PDZD2: variants seen among roughly 807,000 people sequenced by gnomAD.
PDZD2 encodes PDZ domain-containing protein 2.
A neutral mutation model predicts 220.7 loss-of-function variants in PDZD2; 90 were observed. That is an observed-to-expected ratio of 0.41 (90% CI 0.34 to 0.49). The LOEUF (loss-of-function observed/expected upper bound fraction) is 0.49, where lower values mean the gene tolerates loss of function less well. PDZD2 is among the 20% of genes least tolerant of loss of function. The pLI is 0.28. For missense variants in PDZD2, 3,174 were observed against 3,608.5 expected (o/e 0.88, Z 3.08); for synonymous variants, 1,375 against 1,450.5 (o/e 0.95, Z 1.18).
intron 1 of PDZD2, among the ~76,000 whole-genome samples, chr5:31,781,515 T>C (rs1753062999): frequency 6.6e-6 from 1 of 152,210 alleles, no homozygotes; most frequent in African/African-American, 2.4e-5. Context: ...CCATAGGCCA[T>C]TGTGAGCATC....
intron 7 of PDZD2, among the ~76,000 whole-genome samples, chr5:32,037,748 G>A (rs1337934580): frequency 6.6e-6 from 1 of 152,118 alleles, no homozygotes; most frequent in Non-Finnish European, 1.5e-5. Context: ...ATTTCCTTAC[G>A]GCAGCTGGCC....
chr5:31,949,735 C>A (rs1055924516), intron 2 of PDZD2, among the ~76,000 whole-genome samples: 1 of 147,746 alleles, frequency 6.8e-6, no homozygotes, highest in Non-Finnish European at 1.5e-5. Context: ...TGTGGTGGTG[C>A]GATCTCAGCT....
intron 2 of PDZD2, 93 bp downstream of exon 2, chr5:31,799,817 A>ATCAGCTTCTT: frequency 1.3e-6 from 1 of 789,654 alleles, no homozygotes; most frequent in Non-Finnish European, 2.2e-6. Flanking sequence ...GAATCCTGCC[A>ATCAGCTTCTT]ATAAGAAGCT....
Position 32,087,509 on chromosome 5 carries a change from C to T in PDZD2, c.4061C>T (p.Ala1354Val). 1 of 1,612,938 alleles carries T rather than the reference C, an allele frequency of 6.2e-7. No individual in the cohort carries two copies. The highest frequency in any genetic ancestry group is 8.5e-7 in the Non-Finnish European group (1 of 1,179,394). ...ACATCCCAGGAGCAGAGACAGGGAG[C>T]TCCAGGTAACCACAGTAAGGCTCTG... ...PLTSQEQRQG[A>V]PGNHSKALEM... Residue 1354 changes from alanine (A) to valine (V), a missense_variant, in exon 20 of 25, where the codon GCT becomes GTT. Around this residue, in one of 4 missense-constraint regions of PDZD2, gnomAD observed 1,861 missense variants for 2,001.0 expected, o/e 0.93. Coordinates refer to ENST00000438447, the MANE Select transcript of PDZD2 (RefSeq NM_178140.4). This position sits in a 1 kb window ranked among gnomAD's most constrained non-coding sequence, Gnocchi z 4.0.
At chr5:32,061,275 T>A (rs1739669469) in intron 14 of PDZD2, 141 bp downstream of exon 14, 1 of 674,642 alleles carries the variant, frequency 1.5e-6, no homozygotes, top group South Asian at 1.9e-5. Context: ...GAATCTCTAA[T>A]CTGGACTTTG....
At chr5:31,739,290 G>A (rs76588898) in intron 1 of PDZD2, among the ~76,000 whole-genome samples, 5,606 of 152,070 alleles carry the variant, frequency 0.037, 358 homozygotes, top group African/African-American at 0.13. Flanking sequence ...CACATGATTC[G>A]TTGTCTTTAA....
chr5:31,799,522 G>A lies in PDZD2; in HGVS notation c.274G>A (p.Val92Ile), dbSNP rs1754261527. 1 of 1,614,184 alleles carries A rather than the reference G, an allele frequency of 6.2e-7. No homozygotes were observed. The highest frequency in any genetic ancestry group is 2.2e-5 in the East Asian group (1 of 44,882). ...GGGCCTGAGTTTTGGGAACATCCCTGTTTTCGGGGACTATGGTGAAAAGCG... is the reference window on the plus strand; with the variant it reads ...GGGCCTGAGTTTTGGGAACATCCCTATTTTCGGGGACTATGGTGAAAAGCG... ...TVGLSFGNIPVFGDYGEKRRG... is the reference protein window; with the variant it reads ...TVGLSFGNIPIFGDYGEKRRG... Residue 92 changes from valine to isoleucine, a missense_variant, in exon 2 of 25, where the codon GTT (valine) becomes ATT (isoleucine). Around this residue, in one of 4 missense-constraint regions of PDZD2, gnomAD observed 632 missense variants for 708.1 expected, o/e 0.89. Coordinates refer to ENST00000438447, the MANE Select transcript of PDZD2 (RefSeq NM_178140.4).
chr5:31,722,792 C>T (rs774295666), intron 1 of PDZD2, among the ~76,000 whole-genome samples: 7 of 151,968 alleles, frequency 4.6e-5, no homozygotes, highest in Non-Finnish European at 8.8e-5. Flanking sequence ...CGGGCTCAAG[C>T]GATTCTCCTG....
At chr5:31,926,416 C>T (rs34830520) in intron 2 of PDZD2, among the ~76,000 whole-genome samples, 3,598 of 149,822 alleles carry the variant, frequency 0.024, 68 homozygotes, top group South Asian at 0.06. Flanking sequence ...CTCCCGGCTA[C>T]TCCAGAGGCT....
intron 14 of PDZD2, among the ~76,000 whole-genome samples, chr5:32,061,900 T>C (rs1428445418): frequency 6.6e-6 from 1 of 152,236 alleles, no homozygotes; most frequent in Non-Finnish European, 1.5e-5. Context: ...TGTGTTTCCA[T>C]AGAATTTCTA....
chr5:31,907,310 C>T (rs1210229111), intron 2 of PDZD2, among the ~76,000 whole-genome samples: 1 of 152,222 alleles, frequency 6.6e-6, no homozygotes, highest in African/African-American at 2.4e-5. Flanking sequence ...TGTGTCTTCA[C>T]ATGGCAGGGA....
intron 6 of PDZD2, among the ~76,000 whole-genome samples, chr5:32,011,025 AC>A (rs1561342437): frequency 4.9e-4 from 66 of 135,416 alleles, no homozygotes; most frequent in African/African-American, 1.6e-3. Context: ...AAAAAAAACA[AC>A]AACAACAACA....
At chr5:31,752,298 C>T (rs939068196) in intron 1 of PDZD2, among the ~76,000 whole-genome samples, 1 of 151,760 alleles carries the variant, frequency 6.6e-6, no homozygotes, top group Non-Finnish European at 1.5e-5. Flanking sequence ...CCTGTAATCC[C>T]AGCGCTTTGG....
At chr5:31,810,551 C>G (rs558127780) in intron 2 of PDZD2, among the ~76,000 whole-genome samples, 4 of 152,284 alleles carry the variant, frequency 2.6e-5, no homozygotes, top group African/African-American at 9.6e-5. Flanking sequence ...AGGCTTGAGC[C>G]ACCACGACCA....
At chr5:32,027,619 G>A (rs1754774527) in intron 6 of PDZD2, among the ~76,000 whole-genome samples, 1 of 152,182 alleles carries the variant, frequency 6.6e-6, no homozygotes, top group Non-Finnish European at 1.5e-5. Context: ...CACGCCCAGG[G>A]TTGACGAGTT....
At chr5:31,928,183 C>T (rs934690969) in intron 2 of PDZD2, among the ~76,000 whole-genome samples, 2 of 152,148 alleles carry the variant, frequency 1.3e-5, no homozygotes, top group Non-Finnish European at 2.9e-5. Flanking sequence ...GTCTTCAAAG[C>T]ACTGCTTCCC....
At chr5:31,650,575 A>G (rs923391111) in intron 1 of PDZD2, among the ~76,000 whole-genome samples, 1 of 152,136 alleles carries the variant, frequency 6.6e-6, no homozygotes, top group African/African-American at 2.4e-5. Context: ...TTGGCCTGGG[A>G]CTTAATCTTG....
chr5:31,729,099 C>CTTTTTTTT (rs10650811), intron 1 of PDZD2, among the ~76,000 whole-genome samples: 2 of 123,646 alleles, frequency 1.6e-5, no homozygotes, highest in African/African-American at 3.1e-5. Flanking sequence ...TGATCGAAAT[C>CTTTTTTTT]TTTTTTTTTT....
intron 2 of PDZD2, among the ~76,000 whole-genome samples, chr5:31,878,172 T>C (rs975366636): frequency 6.6e-6 from 1 of 152,124 alleles, no homozygotes; most frequent in African/African-American, 2.4e-5. Context: ...CCTCACATGC[T>C]CAGATTGCTT....
Sources: allele counts gnomAD v4.1 joint callset (sites outside exome capture counted in the v4.1 genomes callset), GRCh38; gene constraint gnomAD v4.1.1; regional missense constraint gnomAD v4.1.1; non-coding constraint Gnocchi (gnomAD v3.1); transcripts MANE v1.5; gene names NCBI Gene and HGNC (gene_info 2026-07-23, HGNC 2026-07-21).